PHYH: variants seen among roughly 807,000 people sequenced by gnomAD.
The protein encoded by PHYH is phytanoyl-CoA dioxygenase, peroxisomal.
In PHYH, 32 loss-of-function variants were observed where a neutral mutation model predicts 38.5. That is an observed-to-expected ratio of 0.83 (90% CI 0.63 to 1.12). PHYH has a LOEUF of 1.12. Ranked by LOEUF, PHYH falls within the 50% of genes most tolerant of loss-of-function variation. The pLI is 0.00. For missense variants in PHYH, 426 were observed against 434.8 expected (o/e 0.98, Z 0.18); for synonymous variants, 166 against 157.9 (o/e 1.05, Z -0.38).
intron 3 of PHYH, 148 bp downstream of exon 3, chr10:13,295,348 T>C (rs1321924173): frequency 1.6e-6 from 1 of 628,724 alleles, no homozygotes; most frequent in Non-Finnish European, 2.8e-6. Context: ...AAAAAGCCAG[T>C]CTGGCACCAG....
intron 3 of PHYH, 166 bp from the exon 4 acceptor site, chr10:13,294,762 G>A (rs1040572336): frequency 1.5e-6 from 1 of 646,056 alleles, no homozygotes; most frequent in African/African-American, 1.8e-5. Context: ...AAACTGTCTG[G>A]CTAGAATCCA....
At chr10:13,296,662 G>A (rs1461938822) in intron 2 of PHYH, among the ~76,000 whole-genome samples, 1 of 150,918 alleles carries the variant, frequency 6.6e-6, no homozygotes. Context: ...AAAAATTAAG[G>A]CCATATAATA....
chr10:13,298,862 C>T (rs1832654433), intron 1 of PHYH, among the ~76,000 whole-genome samples: 2 of 82,452 alleles, frequency 2.4e-5, no homozygotes, highest in African/African-American at 3.4e-5. Context: ...TGCAGTGGGC[C>T]GACATTGCAG....
In PHYH at chr10:13,298,246, C is replaced by T. The variant is rs751766259; in HGVS notation, c.76-1G>A. 1.3e-6 allele frequency: 2 copies of T among 1,593,686 alleles called. No homozygotes were observed. Among genetic ancestry groups the T allele is most frequent in the Admixed American group, 3.3e-5 (2 of 59,930 alleles). ...TAGTCCCTGAAGTGGGATGAGCTACCTAGGATGTGAATTAAGGCAAATAAA... is the reference window on the plus strand; with the variant it reads ...TAGTCCCTGAAGTGGGATGAGCTACTTAGGATGTGAATTAAGGCAAATAAA... On this transcript the variant is annotated splice_acceptor_variant, in intron 1 of 8. Coordinates refer to ENST00000263038, the MANE Select transcript of PHYH (RefSeq NM_006214.4). LOFTEE classifies it high-confidence loss of function.
intron 1 of PHYH, among the ~76,000 whole-genome samples, chr10:13,298,457 T>C (rs1450288542): frequency 6.6e-6 from 1 of 151,878 alleles, no homozygotes; most frequent in Non-Finnish European, 1.5e-5. Flanking sequence ...TCCTAGCACT[T>C]TGGGAGGCCG....
intron 5 of PHYH, among the ~76,000 whole-genome samples, chr10:13,289,475 G>C (rs891794539): frequency 1.3e-5 from 2 of 152,150 alleles, no homozygotes; most frequent in Non-Finnish European, 2.9e-5. Context: ...GATTCCAGGC[G>C]TGAGCCACCA....
chr10:13,290,114 C>T (rs1422772341), intron 5 of PHYH, among the ~76,000 whole-genome samples: 1 of 15,918 alleles, frequency 6.3e-5, no homozygotes, highest in Non-Finnish European at 1.2e-4. Context: ...ACTAAAAATA[C>T]CAAAAAAAAA....
chr10:13,297,208 AAATTC>A (rs58070355), intron 2 of PHYH, among the ~76,000 whole-genome samples: 9,259 of 152,126 alleles, frequency 0.061, 550 homozygotes, highest in African/African-American at 0.16. Context: ...GATGGGAAAC[AAATTC>A]AATAAATTGT....
intron 6 of PHYH, among the ~76,000 whole-genome samples, chr10:13,288,085 C>T (rs780491047): frequency 7.2e-5 from 11 of 152,208 alleles, no homozygotes; most frequent in South Asian, 2.1e-4. Flanking sequence ...GCGACTGAGG[C>T]GGGAGGATGG....
Position 13,288,555 on chromosome 10 carries a change from C to G in PHYH, c.497-14G>C. On this transcript the variant is annotated splice_polypyrimidine_tract_variant and intron_variant, in intron 5 of 8. Transcript: ENST00000263038. ...ACGTCTTCTTGCCTGAAAAGAAAAC[C>G]TGCTACTAAAGGATACTCGAGGCCG... 1 of 1,613,666 alleles carries G rather than the reference C, an allele frequency of 6.2e-7. No homozygotes were observed.
chr10:13,288,453 C>A lies in PHYH; in HGVS notation c.585G>T (p.Ala195=), dbSNP rs1835613234. ...CGTTGTTCCGGCTGATGTGCTCCAT[C>A]GCCGTCCAGGCGCAAACGATGAGAT... is the stretch of plus-strand genomic sequence containing the variant. ...PSDLIVCAWT[A]MEHISRNNGC... Residue 195 remains alanine, a synonymous_variant, in exon 6 of 9, where the codon GCG becomes GCT. Transcript: ENST00000263038. 1 of 1,614,064 alleles carries A rather than the reference C, an allele frequency of 6.2e-7. No individual in the cohort carries two copies.
chr10:13,298,119 T>C, intron 2 of PHYH, 68 bp downstream of exon 2: 1 of 907,290 alleles, frequency 1.1e-6, no homozygotes, highest in Non-Finnish European at 1.8e-6. Flanking sequence ...ATGTGGTATA[T>C]CTTCATTACC....
At chr10:13,299,757 G>A in intron 1 of PHYH, 1 of 1,309,944 alleles carries the variant, frequency 7.6e-7, no homozygotes. Context: ...CGACCCCAGG[G>A]CGGCCGCGCG....
chr10:13,287,293 C>T (rs1453284921), intron 6 of PHYH, among the ~76,000 whole-genome samples: 4 of 152,124 alleles, frequency 2.6e-5, no homozygotes, highest in South Asian at 4.2e-4. Flanking sequence ...GAGCCGAGAA[C>T]GTGCCATTAC....
intron 6 of PHYH, 80 bp from the exon 7 acceptor site, chr10:13,283,919 C>T (rs1019384866): frequency 8.6e-7 from 1 of 1,168,182 alleles, no homozygotes. Context: ...TCAGGGAAAG[C>T]AAACATCAGG....
chr10:13,291,860 G>T lies in PHYH; in HGVS notation c.467C>A (p.Thr156Lys). Residue 156 changes from threonine to lysine, a missense_variant, in exon 5 of 9, where the codon ACA (threonine) becomes AAA (lysine). Coordinates refer to ENST00000263038, the MANE Select transcript of PHYH (RefSeq NM_006214.4). ...FTGPNIMAMH[T>K]MLINKPPDSG... is the part of the protein sequence containing the mutation. ...ATCTGGAGGTTTGTTTATCAACATT[G>T]TGTGCATGGCCATAATATTAGGTCC... 5 of 1,609,236 alleles carry T rather than the reference G, an allele frequency of 3.1e-6. No individual in the cohort carries two copies. The highest frequency in any genetic ancestry group is 4.2e-6 in the Non-Finnish European group (5 of 1,176,892).
In PHYH at chr10:13,278,333, G is replaced by T; in HGVS notation, c.985C>A (p.Arg329=). ...NLKDIWMFRA[R]LVKGERTNL is the part of the protein sequence containing the mutation. ...TTGGTTCTTTCTCCTTTCACAAGTCGAGCTCGAAACATCCAAATATCCTGG... is the reference window on the plus strand; with the variant it reads ...TTGGTTCTTTCTCCTTTCACAAGTCTAGCTCGAAACATCCAAATATCCTGG... Residue 329 remains arginine, a synonymous_variant, in exon 9 of 9, where the codon CGA becomes AGA. Coordinates refer to ENST00000263038, the MANE Select transcript of PHYH (RefSeq NM_006214.4). 6.2e-7 allele frequency: 1 copy of T among 1,612,184 alleles called. No individual in the cohort carries two copies. The highest frequency in any genetic ancestry group is 8.5e-7 in the Non-Finnish European group (1 of 1,178,400).
intron 5 of PHYH, among the ~76,000 whole-genome samples, chr10:13,290,115 CAAAAAAAAAAAAAAA>C (rs1172422242): frequency 3.0e-5 from 1 of 33,392 alleles, no homozygotes; most frequent in Non-Finnish European, 5.0e-5. Flanking sequence ...CTAAAAATAC[CAAAAAAAAAAAAAAA>C]AAAAAAAAAA....
chr10:13,292,699 G>A (rs1419275402), intron 4 of PHYH, among the ~76,000 whole-genome samples: 4 of 152,116 alleles, frequency 2.6e-5, no homozygotes, highest in African/African-American at 9.7e-5. Flanking sequence ...TTGGGTGGCC[G>A]AGGCGGGCGG....
Sources: gnomAD v4.1 joint callset for allele counts (sites outside exome capture counted in the v4.1 genomes callset) on GRCh38, gnomAD v4.1.1 for gene constraint, MANE v1.5 for transcripts, NCBI Gene and HGNC (gene_info 2026-07-23, HGNC 2026-07-21) for gene names.